Variants in PDE9A observed in about 807,000 individuals in gnomAD.
PDE9A encodes the protein phosphodiesterase 9A.
In PDE9A, 60 loss-of-function variants were observed where a neutral mutation model predicts 87.4. The observed-to-expected ratio is 0.69, with a 90% CI of 0.56 to 0.85. The LOEUF (loss-of-function observed/expected upper bound fraction) is 0.85. Ranked by LOEUF, PDE9A falls within the 40% of genes least tolerant of loss-of-function variation. The pLI is 0.00. For missense variants in PDE9A, 665 were observed against 779.0 expected (o/e 0.85, Z 1.74); for synonymous variants, 272 against 279.4 (o/e 0.97, Z 0.27).
chr21:42,736,753 T>C (rs1236856371), intron 7 of PDE9A, among the ~76,000 whole-genome samples: 1 of 152,128 alleles, frequency 6.6e-6, no homozygotes, highest in African/African-American at 2.4e-5. Context: ...GCTGCCCTCC[T>C]CCCCTGGCAT....
At chr21:42,680,261 T>TC (rs1344596846) in intron 1 of PDE9A, among the ~76,000 whole-genome samples, 1 of 152,124 alleles carries the variant, frequency 6.6e-6, no homozygotes, top group Admixed American at 6.5e-5. Flanking sequence ...CAGTAAAAGT[T>TC]CCCCCAAAAG....
At chr21:42,756,016 C>G (rs2055003238) in intron 10 of PDE9A, among the ~76,000 whole-genome samples, 1 of 152,236 alleles carries the variant, frequency 6.6e-6, no homozygotes, top group Admixed American at 6.5e-5. Flanking sequence ...AATAGAAAGG[C>G]CACCTCTCTG....
In PDE9A at chr21:42,759,850, TGTGA is replaced by T. The variant is rs765729688; in HGVS notation, c.898-474_898-471del. 6.6e-6 allele frequency among the ~76,000 whole-genome samples: 1 copy of T among 151,278 alleles called. No homozygotes were observed. ...ATGTGGGGTGTGTGAGTGTGTGGTG[TGTGA>T]GTGGGTGTGTGCATGTGGGTGTCTG... On this transcript the variant is annotated intron_variant, in intron 11 of 19. Coordinates refer to ENST00000291539, the MANE Select transcript of PDE9A (RefSeq NM_002606.3). The surrounding 1 kb of genome is among the most constrained non-coding windows in gnomAD (Gnocchi z 7.2).
chr21:42,752,700 G>A lies in PDE9A; in HGVS notation c.736-1290G>A, dbSNP rs561569541. 2.0e-5 allele frequency among the ~76,000 whole-genome samples: 3 copies of A among 152,302 alleles called. No homozygotes were observed. In the South Asian group the frequency reaches 6.2e-4, roughly 32 times the overall value. On this transcript the variant is annotated intron_variant, in intron 9 of 19. Coordinates refer to ENST00000291539, the MANE Select transcript of PDE9A (RefSeq NM_002606.3). ...TAAAAGGTGTCAGCCCTCCAGATCT[G>A]TCCCCTTACAAAAAACAGAAAAACA...
chr21:42,654,690 A>G (rs561439565), intron 1 of PDE9A, among the ~76,000 whole-genome samples: 1 of 152,332 alleles, frequency 6.6e-6, no homozygotes, highest in South Asian at 2.1e-4. Flanking sequence ...GAAGGAGGCC[A>G]GGGAGAGATG....
intron 7 of PDE9A, among the ~76,000 whole-genome samples, chr21:42,737,699 C>T (rs559211069): frequency 2.6e-5 from 4 of 152,274 alleles, no homozygotes; most frequent in African/African-American, 4.8e-5. Context: ...CTCAGGTGAT[C>T]GACCCGCCTC....
At chr21:42,685,324 C>T (rs1481035620) in intron 1 of PDE9A, among the ~76,000 whole-genome samples, 1 of 152,248 alleles carries the variant, frequency 6.6e-6, no homozygotes, top group Non-Finnish European at 1.5e-5. Context: ...CGCGGCCATC[C>T]CGCGCGTAGG....
chr21:42,726,927 G>A (rs1194750288), intron 4 of PDE9A, among the ~76,000 whole-genome samples: 1 of 151,466 alleles, frequency 6.6e-6, no homozygotes, highest in Non-Finnish European at 1.5e-5. Flanking sequence ...CTTTCTGCCA[G>A]TACCTCACAG....
In PDE9A at chr21:42,760,762, C is replaced by G; in HGVS notation, c.1003-63C>G. On this transcript the variant is annotated intron_variant, in intron 12 of 19. Coordinates refer to ENST00000291539, the MANE Select transcript of PDE9A (RefSeq NM_002606.3). The surrounding 1 kb of genome is among the most constrained non-coding windows in gnomAD (Gnocchi z 5.2). ...TTACCACTCACCCAATTCCACCCCC[C>G]CTCACCCCATCCCACCCTCCGAGTG... 2.3e-6 allele frequency: 2 copies of G among 877,544 alleles called. No homozygotes were observed. 54.4% of individuals were successfully genotyped at this position (877,544 alleles called of 1,614,324 possible). A position where few individuals can be genotyped will look rare whatever the true frequency, so the allele number is the denominator to read the frequency against.
chr21:42,709,246 G>A (rs765068006), intron 4 of PDE9A, among the ~76,000 whole-genome samples: 3 of 152,108 alleles, frequency 2.0e-5, no homozygotes, highest in Admixed American at 6.5e-5. Flanking sequence ...AGTGGGAGCT[G>A]GACAATGAGA....
At chr21:42,698,932 C>CAGG in intron 3 of PDE9A, 36 bp from the exon 4 acceptor site, 1 of 1,562,218 alleles carries the variant, frequency 6.4e-7, no homozygotes, top group Non-Finnish European at 8.8e-7. Flanking sequence ...GAGCGCCTTG[C>CAGG]AGAGTCTCAC....
At chr21:42,667,621 G>A (rs62215378) in intron 1 of PDE9A, among the ~76,000 whole-genome samples, 23,440 of 152,156 alleles carry the variant, frequency 0.15, 1,913 homozygotes, top group Middle Eastern at 0.19. Context: ...GCTCACAGGA[G>A]TTGCAGGTTT....
intron 3 of PDE9A, among the ~76,000 whole-genome samples, chr21:42,691,931 A>G (rs1206580377): frequency 6.6e-6 from 1 of 151,908 alleles, no homozygotes; most frequent in Non-Finnish European, 1.5e-5. Flanking sequence ...ACCCATCACC[A>G]TCACCACCCA....
chr21:42,683,276 G>A (rs949098769), intron 1 of PDE9A, among the ~76,000 whole-genome samples: 7 of 152,126 alleles, frequency 4.6e-5, no homozygotes, highest in African/African-American at 1.7e-4. Context: ...TCATCTGAGC[G>A]AGGCCATCAG....
At position 42,768,938 on chromosome 21, in the gene PDE9A, A is replaced by G. The variant is rs149615240; in HGVS notation, c.1462-89A>G. ...GTGTGGTTTGGTTGGTTGGTGGTTAACTGGCGCATCTTGTCTTTCTCTGAG... is the reference window on the plus strand; with the variant it reads ...GTGTGGTTTGGTTGGTTGGTGGTTAGCTGGCGCATCTTGTCTTTCTCTGAG... On this transcript the variant is annotated intron_variant, in intron 16 of 19. Coordinates refer to ENST00000291539, the MANE Select transcript of PDE9A (RefSeq NM_002606.3). 141 of 1,515,940 alleles carry G rather than the reference A, an allele frequency of 9.3e-5. No homozygotes were observed. In the African/African-American group the frequency reaches 1.7e-3, roughly 19 times the overall value. 93.9% of individuals were successfully genotyped at this position (1,515,940 alleles called of 1,614,324 possible). A position where few individuals can be genotyped will look rare whatever the true frequency, so the allele number is the denominator to read the frequency against.
intron 15 of PDE9A, among the ~76,000 whole-genome samples, chr21:42,767,409 G>A (rs2056515216): frequency 6.6e-6 from 1 of 152,164 alleles, no homozygotes; most frequent in African/African-American, 2.4e-5. Flanking sequence ...AGGAGTCAAA[G>A]AAAGGCCTGA....
At chr21:42,689,273 C>T (rs1738839557) in intron 3 of PDE9A, among the ~76,000 whole-genome samples, 1 of 152,242 alleles carries the variant, frequency 6.6e-6, no homozygotes, top group African/African-American at 2.4e-5. Flanking sequence ...GAGCTCCTCT[C>T]ATCTGGCTGT....
chr21:42,674,221 C>T (rs1049301674), intron 1 of PDE9A, among the ~76,000 whole-genome samples: 1 of 152,086 alleles, frequency 6.6e-6, no homozygotes, highest in Non-Finnish European at 1.5e-5. Flanking sequence ...AGACACGACA[C>T]CCTTCCTCAT....
At chr21:42,724,493 T>G in intron 4 of PDE9A, 3 of 520,838 alleles carry the variant, frequency 5.8e-6, no homozygotes, top group Non-Finnish European at 7.4e-6. Flanking sequence ...CAGGGCTCTG[T>G]TTGTGGATGC....
Sources: gnomAD v4.1 joint callset for allele counts (sites outside exome capture counted in the v4.1 genomes callset) on GRCh38, gnomAD v4.1.1 for gene constraint, Gnocchi (gnomAD v3.1) non-coding constraint, MANE v1.5 for transcripts, NCBI Gene and HGNC (gene_info 2026-07-23, HGNC 2026-07-21) for gene names.